The following MYH10 variants were observed in gnomAD, a reference collection of about 807,000 sequenced individuals.
MYH10 encodes myosin heavy chain 10.
A neutral mutation model predicts 257.8 loss-of-function variants in MYH10; 55 were observed. The observed-to-expected ratio is 0.21, with a 90% confidence interval of 0.17 to 0.27. The LOEUF (loss-of-function observed/expected upper bound fraction) is 0.27. MYH10 is among the 10% of genes least tolerant of loss of function. The pLI is 1.00. For synonymous variants in MYH10, 854 were observed against 921.7 expected (o/e 0.93, Z 1.33); for missense variants, 1,631 against 2,500.6 (o/e 0.65, Z 7.42).
chr17:8,475,519 T>C lies in MYH10; in HGVS notation c.*285A>G, dbSNP rs1308349489. On this transcript the variant is annotated 3_prime_UTR_variant, in exon 43 of 43. Coordinates refer to ENST00000360416, the MANE Select transcript of MYH10 (RefSeq NM_001256012.3). ...CCTGGAGTTTGTTTTAAAAAGGGTC[T>C]TACCATGTTTTATAAAATGGTCTCT... The C allele has an allele frequency of 4.0e-5, 13 of 325,252 alleles. No homozygotes were observed. In the Admixed American group the frequency reaches 5.4e-4, roughly 14 times the overall value. 20.1% of individuals were successfully genotyped at this position (325,252 alleles called of 1,614,324 possible).
chr17:8,509,943 C>T lies in MYH10; in HGVS notation c.2959G>A (p.Glu987Lys). ...CCTTCCTCCTCGTCTAGCTGTTCTT[C>T]CAGGTCCTTGTGAAGAACACACAGT... ...KKMQAHIQDL[E>K]EQLDEEEGAR... is the part of the protein sequence containing the mutation. Residue 987 changes from glutamate (E) to lysine (K), a missense_variant, in exon 25 of 43, where the codon GAA becomes AAA. Glu to Lys is a moderately conservative substitution (Grantham distance 56, BLOSUM62 1). This residue lies in a region of MYH10 where 169 missense variants were observed against 249.8 expected (regional missense o/e 0.68). Transcript: ENST00000360416. The T allele has an allele frequency of 6.2e-7, 1 of 1,611,036 alleles. No homozygotes were observed. Among genetic ancestry groups the T allele is most frequent in the Non-Finnish European group, 8.5e-7 (1 of 1,178,736 alleles).
rs71361807 is a variant in MYH10 at position 8,585,286 on chromosome 17, G to GTATATA, written c.530+3794_530+3795insTATATA. On this transcript the variant is annotated intron_variant, in intron 4 of 42. Transcript: ENST00000360416. Reference sequence around the variant, plus strand: ...TGTATATATATGTGCATGTGTGTGTGTGTATATATATATATATATAGCTAC... The same window carrying GTATATA: ...TGTATATATATGTGCATGTGTGTGTGTATATATGTATATATATATATATATAGCTAC... Among the ~76,000 whole-genome samples the GTATATA allele has an allele frequency of 7.2e-3, 612 of 84,568 alleles. 34 individuals are homozygous for GTATATA. The highest frequency in any genetic ancestry group is 0.037 in the East Asian group (86 of 2,328). 55.5% of individuals were successfully genotyped at this position (84,568 alleles called of 152,430 possible).
At chr17:8,517,918 C>T (rs1280468022) in intron 21 of MYH10, among the ~76,000 whole-genome samples, 1 of 152,168 alleles carries the variant, frequency 6.6e-6, no homozygotes, top group Non-Finnish European at 1.5e-5. Flanking sequence ...TGAAAAGCTT[C>T]TCTCTCCTCC....
intron 21 of MYH10, among the ~76,000 whole-genome samples, chr17:8,514,524 C>G (rs2081401823): frequency 2.0e-5 from 3 of 152,218 alleles, no homozygotes; most frequent in Middle Eastern, 3.4e-3. Flanking sequence ...CACCCTGTCA[C>G]CTCCTCAGCC....
chr17:8,503,054 G>A lies in MYH10; in HGVS notation c.3599+1640C>T, dbSNP rs374445294. 2.8e-3 allele frequency among the ~76,000 whole-genome samples: 423 copies of A among 152,242 alleles called. 3 individuals are homozygous for A. Among genetic ancestry groups the A allele is most frequent in the South Asian group, 0.019 (91 of 4,826 alleles). ...TCCCAGCACTTTGGGAGGCCAAGGC[G>A]GGCGGATCACCTGAGGTCGGGAGTT... is the stretch of plus-strand genomic sequence containing the variant. On this transcript the variant is annotated intron_variant, in intron 28 of 42. Coordinates refer to ENST00000360416, the MANE Select transcript of MYH10 (RefSeq NM_001256012.3).
chr17:8,586,557 A>G (rs1229900345), intron 4 of MYH10, among the ~76,000 whole-genome samples: 1 of 152,242 alleles, frequency 6.6e-6, no homozygotes, highest in African/African-American at 2.4e-5. Flanking sequence ...AAAAGAATGG[A>G]AGAAAACAAA....
intron 35 of MYH10, among the ~76,000 whole-genome samples, chr17:8,489,928 T>C (rs951184699): frequency 7.2e-5 from 11 of 152,328 alleles, no homozygotes; most frequent in Admixed American, 2.0e-4. Flanking sequence ...AATTTAAATA[T>C]CTGCTCTTTT....
chr17:8,576,175 C>A (rs1007967364), intron 6 of MYH10, among the ~76,000 whole-genome samples: 1 of 152,002 alleles, frequency 6.6e-6, no homozygotes, highest in African/African-American at 2.4e-5. Flanking sequence ...TATAATTGGG[C>A]CTTTGGTTTA....
intron 42 of MYH10, 33 bp from the exon 43 acceptor site, chr17:8,475,981 A>G (rs543386063): frequency 6.3e-7 from 1 of 1,599,940 alleles, no homozygotes; most frequent in Admixed American, 1.7e-5. Flanking sequence ...GTGTGTGGGT[A>G]AACAGACAGG....
At chr17:8,625,682 T>C (rs2085648738) in intron 1 of MYH10, among the ~76,000 whole-genome samples, 1 of 152,194 alleles carries the variant, frequency 6.6e-6, no homozygotes, top group Non-Finnish European at 1.5e-5. Context: ...GGTTTCACCA[T>C]GTTGGTCAGG....
rs1368754485 is a variant in MYH10, at chr17:8,474,950, G to A, written c.*854C>T. On this transcript the variant is annotated 3_prime_UTR_variant, in exon 43 of 43. Transcript: ENST00000360416. ...AGCATGAGGGCCCGGCTGGCGATGG[G>A]GAGGGGCCTTCCACCAGCTCGGCTT... is the stretch of plus-strand genomic sequence containing the variant. The A allele has an allele frequency of 6.6e-6, 1 of 152,646 alleles. No individual in the cohort carries two copies. Among genetic ancestry groups the A allele is most frequent in the African/African-American group, 2.4e-5 (1 of 41,462 alleles). 9.5% of individuals were successfully genotyped at this position (152,646 alleles called of 1,614,324 possible). A position where few individuals can be genotyped will look rare whatever the true frequency, so the allele number is the denominator to read the frequency against.
intron 30 of MYH10, 111 bp from the exon 31 acceptor site, chr17:8,495,352 G>C (rs1916418451): frequency 1.3e-5 from 9 of 669,066 alleles, no homozygotes; most frequent in Non-Finnish European, 2.1e-5. Flanking sequence ...GTGTGAACCT[G>C]AAACTACCCA....
chr17:8,620,404 G>A (rs9903286), intron 2 of MYH10, among the ~76,000 whole-genome samples: 44,600 of 151,926 alleles, frequency 0.29, 6,844 homozygotes, highest in African/African-American at 0.4. Flanking sequence ...AGCTAAAACA[G>A]TATTAGAGAA....
Position 8,554,555 on chromosome 17 carries a change from C to G in MYH10, c.757-537G>C, listed in dbSNP as rs139083383. 7.7e-3 allele frequency among the ~76,000 whole-genome samples: 1,177 copies of G among 152,244 alleles called. 11 individuals carry two copies. Among genetic ancestry groups the G allele is most frequent in the Middle Eastern group, 0.014 (4 of 294 alleles). On this transcript the variant is annotated intron_variant, in intron 7 of 42. Transcript: ENST00000360416. ...TTCTAAGGAATATTTGATTTCTTTA[C>G]TATACATAACTGTTTTAGGGAAAGA...
intron 32 of MYH10, among the ~76,000 whole-genome samples, chr17:8,493,398 CTTTTGT>C (rs1383708867): frequency 6.6e-6 from 1 of 151,496 alleles, no homozygotes; most frequent in African/African-American, 2.4e-5. Flanking sequence ...AAAAAAAAAC[CTTTTGT>C]TTTTAATATT....
At chr17:8,480,943 T>C (rs1416249687) in intron 38 of MYH10, among the ~76,000 whole-genome samples, 2 of 1,676 alleles carry the variant, frequency 1.2e-3, no homozygotes, top group East Asian at 0.029. Context: ...AGGCGCATGA[T>C]GGACGTTCAG....
At chr17:8,556,045 C>A (rs1052707432) in intron 7 of MYH10, among the ~76,000 whole-genome samples, 10 of 152,224 alleles carry the variant, frequency 6.6e-5, no homozygotes, top group Non-Finnish European at 1.2e-4. Context: ...TGTACACTAT[C>A]ATTAGTTATT....
At chr17:8,509,364 A>G (rs970249457) in intron 25 of MYH10, among the ~76,000 whole-genome samples, 5 of 152,204 alleles carry the variant, frequency 3.3e-5, no homozygotes, top group Non-Finnish European at 5.9e-5. Flanking sequence ...CGAGGATAAA[A>G]TAACTTCACA....
At chr17:8,533,695 G>A (rs577450699) in intron 16 of MYH10, among the ~76,000 whole-genome samples, 88 of 152,012 alleles carry the variant, frequency 5.8e-4, no homozygotes, top group South Asian at 2.1e-3. Context: ...TTCCCTTAGC[G>A]CCCCAGAAAA....
Sources: allele counts gnomAD v4.1 joint callset (sites outside exome capture counted in the v4.1 genomes callset), GRCh38; gene constraint gnomAD v4.1.1; regional missense constraint gnomAD v4.1.1; transcripts MANE v1.5; gene names NCBI Gene and HGNC (gene_info 2026-07-23, HGNC 2026-07-21).